Variants in UGT1A6 observed in about 807,000 individuals in gnomAD.
UGT1A6 encodes the protein UDP-glucuronosyltransferase 1A6.
A neutral mutation model predicts 44.4 loss-of-function variants in UGT1A6; 32 were observed. That is an observed-to-expected ratio of 0.72 (90% CI 0.54 to 0.97). The LOEUF is 0.97. Among genes scored for constraint, UGT1A6 ranks in the 50% least tolerant of loss-of-function variants. The pLI, the probability that UGT1A6 is intolerant of heterozygous loss-of-function variation, is 0.00. For synonymous variants in UGT1A6, 238 were observed against 248.5 expected (o/e 0.96, Z 0.40); for missense variants, 685 against 661.9 (o/e 1.03, Z -0.38).
Position 233,693,540 on chromosome 2 carries a change from A to G in UGT1A6, c.536A>G (p.Glu179Gly), listed in dbSNP as rs771085837. The G allele has an allele frequency of 3.7e-6, 6 of 1,614,004 alleles. No individual in the cohort carries two copies. In the South Asian group the frequency reaches 6.6e-5, roughly 18 times the overall value. ...YLFRGFPCSL[E>G]HTFSRSPDPV... ...TTCAGGGGTTTTCCGTGTTCCCTGG[A>G]GCATACATTCAGCAGAAGCCCAGAC... The change falls in exon 1 of 5, where the codon GAG becomes GGG. Residue 179 changes from glutamate (E) to glycine (G), a missense_variant. Transcript: ENST00000305139.
intron 1 of UGT1A6, among the ~76,000 whole-genome samples, chr2:233,746,093 C>A (rs887469557): frequency 1.5e-4 from 23 of 151,770 alleles, no homozygotes; most frequent in African/African-American, 5.1e-4. Flanking sequence ...TATACAGAAA[C>A]ATGTCCAGAG....
Position 233,724,752 on chromosome 2 carries a change from C to T in UGT1A6, c.861+30887C>T, listed in dbSNP as rs545669110. On this transcript the variant is annotated intron_variant, in intron 1 of 4. Coordinates refer to ENST00000305139, the MANE Select transcript of UGT1A6 (RefSeq NM_001072.4). The stretch of plus-strand genomic sequence containing the variant: ...GCAGAGGGGCTCCTCACATCCCAGA[C>T]GATGGGCGGCCAGGCAGAGACACTC... 4.9e-4 allele frequency among the ~76,000 whole-genome samples: 69 copies of T among 142,122 alleles called. 9 individuals carry two copies. In the East Asian group the frequency reaches 0.011, roughly 22 times the overall value. The allele number at this position is 142,122 out of a possible 152,430, so 93.2% of individuals were successfully genotyped here. A position where few individuals can be genotyped will look rare whatever the true frequency, so the allele number is the denominator to read the frequency against.
chr2:233,692,805 GT>G, upstream of UGT1A6: 1 of 1,407,880 alleles, frequency 7.1e-7, no homozygotes, highest in South Asian at 1.5e-5. Context: ...CACGGCCATA[GT>G]TGGTTCATAT....
In UGT1A6 at chr2:233,719,323, C is replaced by G. The variant is rs760645007; in HGVS notation, c.861+25458C>G. On this transcript the variant is annotated intron_variant, in intron 1 of 4. Coordinates refer to ENST00000305139, the MANE Select transcript of UGT1A6 (RefSeq NM_001072.4). ...GTGCTGGCTAAGTACCTGTCGATTC[C>G]TGCTGTGTTTTTTTGGAGGTACATT... 1.2e-5 allele frequency: 20 copies of G among 1,613,830 alleles called. No individual in the cohort carries two copies. In the South Asian group the frequency reaches 2.2e-4, roughly 18 times the overall value.
chr2:233,716,677 G>A (rs2076519558), intron 1 of UGT1A6, among the ~76,000 whole-genome samples: 1 of 152,156 alleles, frequency 6.6e-6, no homozygotes, highest in African/African-American at 2.4e-5. Context: ...TTTACCCCAA[G>A]ATATAGTTTC....
chr2:233,755,297 AC>A (rs1695850513), intron 1 of UGT1A6: 1 of 623,324 alleles, frequency 1.6e-6, no homozygotes, highest in Admixed American at 3.1e-5. Context: ...CCTGCGGGGC[AC>A]TGGCACAGCG....
At chr2:233,695,882 T>G (rs1280784991) in intron 1 of UGT1A6, among the ~76,000 whole-genome samples, 1 of 152,182 alleles carries the variant, frequency 6.6e-6, no homozygotes, top group Non-Finnish European at 1.5e-5. Flanking sequence ...GCAGAAAACT[T>G]CAGTGAACAA....
chr2:233,755,447 T>C (rs1695920432), intron 1 of UGT1A6: 1 of 310,986 alleles, frequency 3.2e-6, no homozygotes, highest in Non-Finnish European at 6.3e-6. Flanking sequence ...GCAGTGCTCC[T>C]GGGACTGGCC....
chr2:233,716,352 G>C (rs1407267545), intron 1 of UGT1A6, among the ~76,000 whole-genome samples: 1 of 152,166 alleles, frequency 6.6e-6, no homozygotes, highest in African/African-American at 2.4e-5. Context: ...CTACAATGTA[G>C]ATACTTTGTG....
chr2:233,706,366 C>G (rs775485067), intron 1 of UGT1A6, among the ~76,000 whole-genome samples: 5 of 152,190 alleles, frequency 3.3e-5, no homozygotes, highest in Non-Finnish European at 5.9e-5. Flanking sequence ...CCAATTTAGG[C>G]CATTGTACAA....
intron 1 of UGT1A6, among the ~76,000 whole-genome samples, chr2:233,720,431 G>A (rs28898613): frequency 0.011 from 1,733 of 152,136 alleles, 27 homozygotes; most frequent in African/African-American, 0.04. Context: ...AGATAAGACC[G>A]TGAATCTATA....
intron 1 of UGT1A6, among the ~76,000 whole-genome samples, chr2:233,757,621 A>T (rs1696682030): frequency 6.7e-6 from 1 of 149,382 alleles, no homozygotes; most frequent in Non-Finnish European, 1.5e-5. Flanking sequence ...GCTAAAAGAT[A>T]CAAGGCAGAA....
chr2:233,754,139 A>G (rs1695404241), intron 1 of UGT1A6, among the ~76,000 whole-genome samples: 1 of 152,234 alleles, frequency 6.6e-6, no homozygotes, highest in South Asian at 2.1e-4. Flanking sequence ...ATTAAAAGCC[A>G]TCATTAAATT....
In UGT1A6 at chr2:233,769,922, G is replaced by A. The variant is rs1699984157; in HGVS notation, c.1301+1483G>A. On this transcript the variant is annotated intron_variant, in intron 4 of 4. Coordinates refer to ENST00000305139, the MANE Select transcript of UGT1A6 (RefSeq NM_001072.4). The surrounding 1 kb of genome is among the most constrained non-coding windows in gnomAD (Gnocchi z 4.4). ...CATCATGTGCCCAGAGCGTTGGGTG[G>A]TGTGGTCCCATTCCTTCCTTCCAGC... 2 of 270,870 alleles carry A rather than the reference G, an allele frequency of 7.4e-6. No homozygotes were observed. The highest frequency in any genetic ancestry group is 1.5e-4 in the South Asian group (2 of 13,602). 16.8% of individuals were successfully genotyped at this position (270,870 alleles called of 1,614,324 possible). A position where few individuals can be genotyped will look rare whatever the true frequency, so the allele number is the denominator to read the frequency against.
intron 1 of UGT1A6, among the ~76,000 whole-genome samples, chr2:233,699,349 C>A (rs951769721): frequency 6.6e-6 from 1 of 152,184 alleles, no homozygotes; most frequent in African/African-American, 2.4e-5. Context: ...TAGGGCTAAC[C>A]TCTTTTCTTA....
intron 4 of UGT1A6, 146 bp downstream of exon 4, chr2:233,768,585 T>C (rs35500060): frequency 1.2e-4 from 36 of 308,386 alleles, no homozygotes; most frequent in Middle Eastern, 1.5e-3. Context: ...ATTTCTTCTT[T>C]TTTTTTTTTT....
In UGT1A6 at chr2:233,755,308, G is replaced by A. The variant is rs1306203724; in HGVS notation, c.862-11726G>A. The A allele has an allele frequency of 1.8e-5, 10 of 564,374 alleles. No individual in the cohort carries two copies. The Admixed American group carries it at 2.0e-4, about 11-fold the overall frequency. The allele number at this position is 564,374 out of a possible 1,614,324, so 35.0% of individuals were successfully genotyped here. A position where few individuals can be genotyped will look rare whatever the true frequency, so the allele number is the denominator to read the frequency against. On this transcript the variant is annotated intron_variant, in intron 1 of 4. Coordinates refer to ENST00000305139, the MANE Select transcript of UGT1A6 (RefSeq NM_001072.4). ...AGAGCCTGCGGGGCACTGGCACAGCGAGCGGCAAGGCTGCCAGCACCCGCG... is the reference window on the plus strand; with the variant it reads ...AGAGCCTGCGGGGCACTGGCACAGCAAGCGGCAAGGCTGCCAGCACCCGCG...
intron 1 of UGT1A6, among the ~76,000 whole-genome samples, chr2:233,700,573 T>C (rs978152887): frequency 1.5e-4 from 23 of 152,216 alleles, no homozygotes; most frequent in Non-Finnish European, 1.3e-4. Flanking sequence ...AACTTTATTA[T>C]GATGCAATTT....
At chr2:233,771,270 C>A (rs1244273988) in intron 4 of UGT1A6, 1 of 150,946 alleles carries the variant, frequency 6.6e-6, no homozygotes, top group African/African-American at 2.4e-5. Context: ...CTTTTTTTTT[C>A]TTTCTTCTCC....
Sources: allele counts gnomAD v4.1 joint callset (sites outside exome capture counted in the v4.1 genomes callset), GRCh38; gene constraint gnomAD v4.1.1; non-coding constraint Gnocchi (gnomAD v3.1); transcripts MANE v1.5; gene names NCBI Gene and HGNC (gene_info 2026-07-23, HGNC 2026-07-21).